Variants in ECT2 observed in about 807,000 individuals in gnomAD.
ECT2 encodes the protein epithelial cell transforming 2.
In ECT2, 61 loss-of-function variants were observed where a neutral mutation model predicts 116.9. That is an observed-to-expected ratio of 0.52 (90% CI 0.42 to 0.65). The LOEUF (loss-of-function observed/expected upper bound fraction) is 0.65, where lower values mean the gene tolerates loss of function less well. ECT2 is among the 30% of genes least tolerant of loss of function. The pLI is 0.00. For missense variants in ECT2, 937 were observed against 1,078.7 expected, an observed-to-expected ratio of 0.87 and a Z score of 1.84; for synonymous variants, 358 against 346.4, an observed-to-expected ratio of 1.03 and a Z score of -0.37.
intron 19 of ECT2, 30 bp from the exon 20 acceptor site, chr3:172,802,831 T>G (rs1470693952): frequency 6.3e-7 from 1 of 1,589,130 alleles, no homozygotes; most frequent in Non-Finnish European, 8.5e-7. Context: ...TACCAAGTGA[T>G]CTCTTTTGTT....
chr3:172,809,890 A>C (rs1407431729), intron 22 of ECT2, among the ~76,000 whole-genome samples: 1 of 152,164 alleles, frequency 6.6e-6, no homozygotes, highest in Non-Finnish European at 1.5e-5. Flanking sequence ...AGCATGACTG[A>C]CTGATTCTTG....
chr3:172,794,881 A>AT (rs930875419), intron 18 of ECT2, among the ~76,000 whole-genome samples: 4 of 150,566 alleles, frequency 2.7e-5, no homozygotes, highest in African/African-American at 4.9e-5. Context: ...CACCTGGCTA[A>AT]TTTTTTTTTA....
chr3:172,812,910 A>G (rs1407710860), intron 22 of ECT2, among the ~76,000 whole-genome samples: 1 of 152,178 alleles, frequency 6.6e-6, no homozygotes, highest in South Asian at 2.1e-4. Flanking sequence ...GAGCTTATCC[A>G]TATATACAGT....
At chr3:172,752,221 C>T (rs1716010126) in intron 1 of ECT2, 1 of 152,156 alleles carries the variant, frequency 6.6e-6, no homozygotes, top group Non-Finnish European at 1.5e-5. Context: ...CCTCTGCCTC[C>T]CGGGTTCAAG....
chr3:172,761,656 A>C lies in ECT2; in HGVS notation c.731A>C (p.Tyr244Ser). 1.2e-6 allele frequency: 2 copies of C among 1,611,456 alleles called. No individual in the cohort carries two copies. The highest frequency in any genetic ancestry group is 1.7e-6 in the Non-Finnish European group (2 of 1,178,222). Residue 244 changes from tyrosine (Y) to serine (S), a missense_variant, in exon 8 of 25, where the codon TAT (tyrosine) becomes TCT (serine). Transcript: ENST00000392692. ...CCAATTATGAAGCCAGAATGGATTT[A>C]TAAAGCTTGGGAAAGGCGGAATGAA... Reference protein sequence around the residue: ...GTPIMKPEWIYKAWERRNEQD... With the variant: ...GTPIMKPEWISKAWERRNEQD...
chr3:172,772,966 GT>G (rs1326026069), intron 13 of ECT2, among the ~76,000 whole-genome samples: 1 of 152,110 alleles, frequency 6.6e-6, no homozygotes, highest in African/African-American at 2.4e-5. Flanking sequence ...ATCTATGTAT[GT>G]TTCTCCCCTC....
downstream of ECT2, among the ~76,000 whole-genome samples, chr3:172,824,952 T>A (rs76278497): frequency 2.8e-3 from 423 of 152,340 alleles, 1 homozygote; most frequent in African/African-American, 9.7e-3. Context: ...GTAGATATTA[T>A]GGGCATATTT....
In ECT2 at chr3:172,786,508, C is replaced by A; in HGVS notation, c.1841C>A (p.Thr614Lys). The change falls in exon 18 of 25, where the codon ACA becomes AAA. Residue 614 changes from threonine (T) to lysine (K), a missense_variant. Transcript: ENST00000392692. ...ALLLNDLKKH[T>K]ADENPDKSTL... The stretch of plus-strand genomic sequence containing the variant: ...ATTATTACAGATCTTAAGAAGCATA[C>A]AGCTGATGAAAATCCAGACAAAAGC... 6.2e-7 allele frequency: 1 copy of A among 1,608,952 alleles called. No individual in the cohort carries two copies. The highest frequency in any genetic ancestry group is 8.5e-7 in the Non-Finnish European group (1 of 1,176,390).
intron 6 of ECT2, among the ~76,000 whole-genome samples, chr3:172,759,362 A>G (rs1187314625): frequency 6.6e-6 from 1 of 152,192 alleles, no homozygotes; most frequent in African/African-American, 2.4e-5. Flanking sequence ...TTTTGTTTAT[A>G]CATTGCAATT....
rs554393037 is a variant in ECT2, at chr3:172,773,039, A to G, written c.1429-864A>G. On this transcript the variant is annotated intron_variant, in intron 13 of 24. Transcript: ENST00000392692. ...TAGTAAGAAGCTTCTTTGCCTTTCC[A>G]TATAAATTTTTAGAATCAGGTTTTC... is the stretch of plus-strand genomic sequence containing the variant. Among the ~76,000 whole-genome samples the G allele has an allele frequency of 7.2e-5, 11 of 152,312 alleles. No homozygotes were observed. The East Asian group carries it at 1.7e-3, about 24-fold the overall frequency.
chr3:172,751,395 C>T (rs894353754), intron 1 of ECT2, among the ~76,000 whole-genome samples: 10 of 152,224 alleles, frequency 6.6e-5, no homozygotes, highest in Non-Finnish European at 1.2e-4. Flanking sequence ...TTGAATACCT[C>T]TTTTACCCCT....
rs968968120 is a variant in ECT2, at chr3:172,787,350, G to A, written c.1907+776G>A. Among the ~76,000 whole-genome samples, 9 of 84,034 alleles carry A rather than the reference G, an allele frequency of 1.1e-4. No homozygotes were observed. In the South Asian group the frequency reaches 1.5e-3, roughly 14 times the overall value. 55.1% of individuals were successfully genotyped at this position (84,034 alleles called of 152,430 possible). A position where few individuals can be genotyped will look rare whatever the true frequency, so the allele number is the denominator to read the frequency against. On this transcript the variant is annotated intron_variant, in intron 18 of 24. Coordinates refer to ENST00000392692, the MANE Select transcript of ECT2 (RefSeq NM_001258315.2). ...GTTAGCTCTAGAGAGGGGATTCAGC[G>A]GAGACCTCTCTCATTCTCTTGAGAC...
At chr3:172,789,460 A>AC (rs1724249245) in intron 18 of ECT2, among the ~76,000 whole-genome samples, 3 of 152,032 alleles carry the variant, frequency 2.0e-5, no homozygotes, top group Admixed American at 6.6e-5. Flanking sequence ...CACCTCGGCT[A>AC]CCCAAAGTAT....
chr3:172,790,684 A>G (rs1175622550), intron 18 of ECT2, among the ~76,000 whole-genome samples: 2 of 152,200 alleles, frequency 1.3e-5, no homozygotes, highest in African/African-American at 4.8e-5. Flanking sequence ...GAAAATTGAA[A>G]TTACTCCTTG....
At chr3:172,763,464 A>C (rs1718730701) in intron 11 of ECT2, among the ~76,000 whole-genome samples, 1 of 152,264 alleles carries the variant, frequency 6.6e-6, no homozygotes, top group Admixed American at 6.5e-5. Context: ...CAAGTAGTTT[A>C]GTATGGCTTT....
At chr3:172,765,683 A>G (rs1719237667) in intron 12 of ECT2, among the ~76,000 whole-genome samples, 1 of 152,204 alleles carries the variant, frequency 6.6e-6, no homozygotes, top group South Asian at 2.1e-4. Context: ...TTAAAAATAT[A>G]TAAATTAGAT....
chr3:172,806,623 GA>G (rs1727772015), intron 21 of ECT2, among the ~76,000 whole-genome samples: 1 of 124,532 alleles, frequency 8.0e-6, no homozygotes, highest in Non-Finnish European at 1.7e-5. Context: ...TCCTTTATAA[GA>G]AATGATTCTT....
In ECT2 at chr3:172,820,128, T is replaced by C; in HGVS notation, c.2656-20T>C. 1.3e-6 allele frequency: 2 copies of C among 1,563,930 alleles called. No individual in the cohort carries two copies. The highest frequency in any genetic ancestry group is 1.7e-6 in the Non-Finnish European group (2 of 1,146,164). ...TTAAAGGAAAATTTAAAATATGAAA[T>C]GTTTGTTTTGTCTTAACAGGGTATC... On this transcript the variant is annotated intron_variant, in intron 24 of 24. Transcript: ENST00000392692.
Position 172,769,032 on chromosome 3 carries a change from T to C in ECT2, c.1317T>C (p.Ser439=). ...YGDTPKSCTK[S]SKSSTPVPSK... ...ACACCCCAAAGTCTTGTACTAAGTC[T>C]TCTAAAAGCTCCACTCCAGTTCCTT... Residue 439 remains serine (S), a synonymous_variant, in exon 13 of 25, where the codon TCT becomes TCC. Coordinates refer to ENST00000392692, the MANE Select transcript of ECT2 (RefSeq NM_001258315.2). 6.2e-7 allele frequency: 1 copy of C among 1,613,128 alleles called. No individual in the cohort carries two copies. The highest frequency in any genetic ancestry group is 1.3e-5 in the African/African-American group (1 of 75,028).
Sources: allele counts gnomAD v4.1 joint callset (sites outside exome capture counted in the v4.1 genomes callset), GRCh38; gene constraint gnomAD v4.1.1; transcripts MANE v1.5; gene names NCBI Gene and HGNC (gene_info 2026-07-23, HGNC 2026-07-21).